ENTREP2: variants seen among roughly 807,000 people sequenced by gnomAD.
ENTREP2 encodes protein ENTREP2.
the ENTREP2 span, among the ~76,000 whole-genome samples, chr15:29,540,788 G>C: frequency 6.6e-6 from 1 of 152,182 alleles, no homozygotes. Context: ...AGTGTGATCT[G>C]CACCAACCAG....
chr15:29,608,550 T>C, the ENTREP2 span, among the ~76,000 whole-genome samples: 1 of 76,698 alleles, frequency 1.3e-5, no homozygotes, highest in African/African-American at 4.1e-5. Context: ...ATTATTATTA[T>C]TTATTTATTA....
the ENTREP2 span, chr15:29,610,759 G>A: frequency 4.7e-5 from 7 of 150,290 alleles, 2 homozygotes; most frequent in Non-Finnish European, 1.0e-4. Flanking sequence ...CTACAAAGAG[G>A]TGAAGGCATC....
the ENTREP2 span, among the ~76,000 whole-genome samples, chr15:29,478,017 ATAT>A: frequency 1.1e-4 from 6 of 56,950 alleles, no homozygotes; most frequent in African/African-American, 3.0e-4. Flanking sequence ...ATATATATAT[ATAT>A]TTTTTTTTTT....
At chr15:29,538,975 G>A in the ENTREP2 span, among the ~76,000 whole-genome samples, 1 of 152,168 alleles carries the variant, frequency 6.6e-6, no homozygotes, top group Non-Finnish European at 1.5e-5. Context: ...CAAGTGGCAC[G>A]TGGCATGTAA....
At chr15:29,237,137 T>C in the ENTREP2 span, among the ~76,000 whole-genome samples, 12 of 152,216 alleles carry the variant, frequency 7.9e-5, no homozygotes, top group Non-Finnish European at 1.5e-4. Context: ...ATTATATTAA[T>C]TGACAAGGAA....
the ENTREP2 span, among the ~76,000 whole-genome samples, chr15:29,369,935 T>C: frequency 6.6e-6 from 1 of 152,238 alleles, no homozygotes; most frequent in South Asian, 2.1e-4. Context: ...TTTCCCTTTA[T>C]CTGCCATGTT....
At chr15:29,564,334 T>G in the ENTREP2 span, among the ~76,000 whole-genome samples, 9 of 152,360 alleles carry the variant, frequency 5.9e-5, no homozygotes, top group East Asian at 1.7e-3. Flanking sequence ...GCTTTTGATG[T>G]TATCTTTCAC....
chr15:29,434,720 C>G, the ENTREP2 span, among the ~76,000 whole-genome samples: 1 of 152,148 alleles, frequency 6.6e-6, no homozygotes, highest in Admixed American at 6.5e-5. Flanking sequence ...ATCCATGCTC[C>G]TCAAGCAGAG....
chr15:29,413,209 T>TA, the ENTREP2 span, among the ~76,000 whole-genome samples: 3 of 152,154 alleles, frequency 2.0e-5, no homozygotes, highest in East Asian at 5.8e-4. Context: ...TTCTTAAAGA[T>TA]AGTCCCTGTT....
chr15:29,338,455 AG>A, the ENTREP2 span, among the ~76,000 whole-genome samples: 1 of 151,906 alleles, frequency 6.6e-6, no homozygotes, highest in Non-Finnish European at 1.5e-5. Flanking sequence ...AAGAAAAAAA[AG>A]AAACCAGGCA....
the ENTREP2 span, among the ~76,000 whole-genome samples, chr15:29,274,583 C>A: frequency 6.6e-6 from 1 of 152,140 alleles, no homozygotes; most frequent in African/African-American, 2.4e-5. Context: ...GATAGGTTTA[C>A]CCAGTACCTA....
the ENTREP2 span, among the ~76,000 whole-genome samples, chr15:29,161,101 G>C: frequency 6.6e-6 from 1 of 152,172 alleles, no homozygotes; most frequent in African/African-American, 2.4e-5. Flanking sequence ...TCTATGTTGG[G>C]AGAGGCAGTC....
the ENTREP2 span, among the ~76,000 whole-genome samples, chr15:29,642,443 T>C: frequency 2.7e-5 from 4 of 147,510 alleles, no homozygotes; most frequent in Admixed American, 2.7e-4. Flanking sequence ...TATATATACA[T>C]ATATATATAC....
chr15:29,604,745 C>A, the ENTREP2 span, among the ~76,000 whole-genome samples: 1 of 152,230 alleles, frequency 6.6e-6, no homozygotes, highest in East Asian at 1.9e-4. Context: ...AAAAGAAAAT[C>A]TTTTATTCCC....
the ENTREP2 span, among the ~76,000 whole-genome samples, chr15:29,600,902 C>CCTTTTTTTTTTTTTTTTTTTTTTTT: frequency 6.5e-5 from 8 of 123,622 alleles, no homozygotes; most frequent in African/African-American, 2.9e-4. Flanking sequence ...ATTTTTCTTT[C>CCTTTTTTTTTTTTTTTTTTTTTTTT]TTTTTTTTTT....
the ENTREP2 span, among the ~76,000 whole-genome samples, chr15:29,548,983 G>A: frequency 7.1e-4 from 108 of 152,244 alleles, no homozygotes; most frequent in Middle Eastern, 3.4e-3. Flanking sequence ...GATACTTTGG[G>A]AACAAATTGC....
At chr15:29,136,619 T>A in the ENTREP2 span, 1 of 1,082,932 alleles carries the variant, frequency 9.2e-7, no homozygotes, top group Non-Finnish European at 1.3e-6. Context: ...ATACTTCCCA[T>A]CATTGTGAAA....
the ENTREP2 span, among the ~76,000 whole-genome samples, chr15:29,334,369 G>A: frequency 6.6e-6 from 1 of 152,084 alleles, no homozygotes; most frequent in Admixed American, 6.5e-5. Context: ...CACAACCCAG[G>A]GCAGGCAGAA....
the ENTREP2 span, among the ~76,000 whole-genome samples, chr15:29,513,298 AAACAC>A: frequency 3.0e-4 from 45 of 152,310 alleles, no homozygotes; most frequent in African/African-American, 1.1e-3. Flanking sequence ...CCCTAAAGCC[AAACAC>A]AACACAACAC....
Sources: gnomAD v4.1 joint callset for allele counts (sites outside exome capture counted in the v4.1 genomes callset) on GRCh38, gnomAD v4.1.1 for gene constraint, MANE v1.5 for transcripts, NCBI Gene and HGNC (gene_info 2026-07-23, HGNC 2026-07-21) for gene names.